Variants in ASIP observed in about 807,000 individuals in gnomAD.
ASIP encodes the protein agouti-signaling protein.
ASIP carries 11 observed loss-of-function variants against 10.3 expected under a neutral mutation model. The ratio of observed to expected loss-of-function variants is 1.07; its 90% confidence interval spans 0.68 to 1.78. The LOEUF (loss-of-function observed/expected upper bound fraction) is 1.78. Among genes scored for constraint, ASIP ranks in the 40% most tolerant of loss-of-function variants. The pLI is 0.00. For missense variants in ASIP, 180 were observed against 169.2 expected, an observed-to-expected ratio of 1.06 and a Z score of -0.35; for synonymous variants, 70 against 70.8, an observed-to-expected ratio of 0.99 and a Z score of 0.06.
Position 34,262,851 on chromosome 20 carries a change from A to T in ASIP, c.180A>T (p.Lys60Asn). The T allele has an allele frequency of 6.2e-7, 1 of 1,614,026 alleles. No homozygotes were observed. Residue 60 changes from lysine to asparagine, a missense_variant, in exon 3 of 4, where the codon AAA becomes AAT. Transcript: ENST00000374954. ...TTGAAGCGCTGAACAAGAAATCCAA[A>T]CAGATCGGCAGAAAAGCAGCAGAAA... ...VSIVALNKKS[K>N]QIGRKAAEKK...
At chr20:34,187,667 A>G in the ASIP span, among the ~76,000 whole-genome samples, 2 of 152,246 alleles carry the variant, frequency 1.3e-5, no homozygotes, top group Non-Finnish European at 2.9e-5. Context: ...TCAAGAAGAT[A>G]TATTACAGTG....
At chr20:34,253,273 T>G (rs2035510160) in intron 1 of ASIP, among the ~76,000 whole-genome samples, 1 of 151,098 alleles carries the variant, frequency 6.6e-6, no homozygotes, top group African/African-American at 2.4e-5. Flanking sequence ...GCCCGCCTAA[T>G]TTTTTTGTAT....
At chr20:34,198,311 A>T (rs1282457340) in intron 1 of ASIP, among the ~76,000 whole-genome samples, 1 of 151,872 alleles carries the variant, frequency 6.6e-6, no homozygotes, top group Non-Finnish European at 1.5e-5. Flanking sequence ...GCTGGGCTTG[A>T]ACTCCTGACC....
chr20:34,202,567 A>T (rs975566434), intron 1 of ASIP, among the ~76,000 whole-genome samples: 2 of 152,140 alleles, frequency 1.3e-5, no homozygotes, highest in Non-Finnish European at 2.9e-5. Context: ...TATTCAATCA[A>T]TCCAGCATCA....
At position 34,255,864 on chromosome 20, in the gene ASIP, G is replaced by A. The variant is rs541056749; in HGVS notation, c.-10-4501G>A. 9.2e-5 allele frequency among the ~76,000 whole-genome samples: 14 copies of A among 152,280 alleles called. No individual in the cohort carries two copies. In the East Asian group the frequency reaches 2.1e-3, roughly 23 times the overall value. On this transcript the variant is annotated intron_variant, in intron 1 of 3. Coordinates refer to ENST00000374954, the MANE Select transcript of ASIP (RefSeq NM_001672.3). Reference sequence around the variant, plus strand: ...TAGCATCAGTGCTCGGGAAGGCACCGGTTACTTAGCAGACCGAGAAAGGGA... The same window carrying A: ...TAGCATCAGTGCTCGGGAAGGCACCAGTTACTTAGCAGACCGAGAAAGGGA...
chr20:34,206,284 C>G (rs2034936312), intron 1 of ASIP, among the ~76,000 whole-genome samples: 1 of 152,192 alleles, frequency 6.6e-6, no homozygotes, highest in African/African-American at 2.4e-5. Flanking sequence ...GCATGAGCTA[C>G]CACGCCCGGC....
Position 34,260,366 on chromosome 20 carries a change from C to T in ASIP, c.-9C>T. 1 of 1,612,260 alleles carries T rather than the reference C, an allele frequency of 6.2e-7. No individual in the cohort carries two copies. Among genetic ancestry groups the T allele is most frequent in the East Asian group, 2.2e-5 (1 of 44,870 alleles). The stretch of plus-strand genomic sequence containing the variant: ...GACCACCTTCTCTGTCCCACTCAGG[C>T]CTCCTGGGATGGATGTCACCCGCTT... On this transcript the variant is annotated splice_region_variant and 5_prime_UTR_variant, in exon 2 of 4. Transcript: ENST00000374954.
At chr20:34,216,242 G>C (rs2035007732) in intron 1 of ASIP, among the ~76,000 whole-genome samples, 3 of 152,150 alleles carry the variant, frequency 2.0e-5, no homozygotes, top group African/African-American at 7.2e-5. Flanking sequence ...AGAGCGCGAG[G>C]GCCAGCTAAC....
chr20:34,211,427 T>C (rs1276014310), intron 1 of ASIP, among the ~76,000 whole-genome samples: 3 of 152,246 alleles, frequency 2.0e-5, no homozygotes, highest in Non-Finnish European at 4.4e-5. Context: ...GTTATTGTTG[T>C]CAGTGCTGTT....
intron 1 of ASIP, among the ~76,000 whole-genome samples, chr20:34,211,062 T>TCCC (rs2034971757): frequency 6.6e-6 from 1 of 152,196 alleles, no homozygotes; most frequent in South Asian, 2.1e-4. Context: ...TGCTCTGTCA[T>TCCC]CCAGGCTGGA....
At chr20:34,263,212 C>T (rs972796387) in intron 3 of ASIP, among the ~76,000 whole-genome samples, 2 of 152,210 alleles carry the variant, frequency 1.3e-5, no homozygotes, top group African/African-American at 4.8e-5. Context: ...CATTTCAGAA[C>T]CACATTTATA....
intron 1 of ASIP, among the ~76,000 whole-genome samples, chr20:34,258,860 G>GAT (rs1276633268): frequency 8.8e-6 from 1 of 113,104 alleles, no homozygotes; most frequent in African/African-American, 3.2e-5. Flanking sequence ...TATAATATAT[G>GAT]ATATATATAA....
At chr20:34,227,864 C>T (rs2035103429) in intron 1 of ASIP, among the ~76,000 whole-genome samples, 1 of 152,128 alleles carries the variant, frequency 6.6e-6, no homozygotes, top group African/African-American at 2.4e-5. Flanking sequence ...TCCCTGACTT[C>T]CAGACTTGGA....
chr20:34,211,993 C>G (rs2034978082), intron 1 of ASIP, among the ~76,000 whole-genome samples: 1 of 150,544 alleles, frequency 6.6e-6, no homozygotes, highest in Non-Finnish European at 1.5e-5. Flanking sequence ...TGCTTGTGTC[C>G]CATTTTCTCT....
chr20:34,245,874 A>C, intron 1 of ASIP: 1 of 1,004,842 alleles, frequency 1.0e-6, no homozygotes, highest in Admixed American at 3.1e-5. Context: ...ATATATATAT[A>C]TGTATATATA....
At chr20:34,226,262 C>T (rs2035092371) in intron 1 of ASIP, among the ~76,000 whole-genome samples, 1 of 152,052 alleles carries the variant, frequency 6.6e-6, no homozygotes, top group African/African-American at 2.4e-5. Context: ...ATGTAATTTG[C>T]CATTTTAACA....
rs2035842048 is a variant in ASIP, at chr20:34,269,071, G to A, written c.303G>A (p.Lys101=). 1 of 1,582,840 alleles carries A rather than the reference G, an allele frequency of 6.3e-7. No homozygotes were observed. The highest frequency in any genetic ancestry group is 8.6e-7 in the Non-Finnish European group (1 of 1,164,924). Residue 101 remains lysine, a synonymous_variant, in exon 4 of 4, where the codon AAG becomes AAA. Coordinates refer to ENST00000374954, the MANE Select transcript of ASIP (RefSeq NM_001672.3). ...GCGTGGCCACCCGCAACAGCTGCAAGCCGCCGGCACCCGCCTGCTGCGACC... is the reference window on the plus strand; with the variant it reads ...GCGTGGCCACCCGCAACAGCTGCAAACCGCCGGCACCCGCCTGCTGCGACC... ...APCVATRNSC[K]PPAPACCDPC...
At chr20:34,207,627 C>T (rs903549247) in intron 1 of ASIP, among the ~76,000 whole-genome samples, 1 of 152,168 alleles carries the variant, frequency 6.6e-6, no homozygotes, top group Non-Finnish European at 1.5e-5. Context: ...AGCATTTCCA[C>T]AATGTTTTCT....
In ASIP at chr20:34,215,809, T is replaced by C. The variant is rs764813323; in HGVS notation, c.-11+21049T>C. 5.1e-5 allele frequency: 79 copies of C among 1,536,418 alleles called. 1 individual carries two copies. Among genetic ancestry groups the C allele is most frequent in the Non-Finnish European group, 6.5e-5 (72 of 1,110,804 alleles). ...CCTGCCAGGCATCTGGGGAAATCTTTAACTGCTCAAAATAGGCCAGGGCCC... is the reference window on the plus strand; with the variant it reads ...CCTGCCAGGCATCTGGGGAAATCTTCAACTGCTCAAAATAGGCCAGGGCCC... On this transcript the variant is annotated intron_variant, in intron 1 of 3. Transcript: ENST00000568305.
Sources: allele counts gnomAD v4.1 joint callset (sites outside exome capture counted in the v4.1 genomes callset), GRCh38; gene constraint gnomAD v4.1.1; transcripts MANE v1.5; gene names NCBI Gene and HGNC (gene_info 2026-07-23, HGNC 2026-07-21).